Variants in SELENOW observed in about 807,000 individuals in gnomAD.
SELENOW encodes selenoprotein W.
In SELENOW, 20 loss-of-function variants were observed where a neutral mutation model predicts 16.6. The observed-to-expected ratio is 1.21, with a 90% CI of 0.85 to 1.76. SELENOW has a LOEUF of 1.76. Ranked by LOEUF, SELENOW falls within the 40% of genes most tolerant of loss-of-function variation. The probability of loss-of-function intolerance (pLI) is 0.00; values close to 1 mark genes in which losing one functional copy is unlikely to be tolerated. For synonymous variants in SELENOW, 44 were observed against 46.2 expected (o/e 0.95, Z 0.19); for missense variants, 124 against 111.0 (o/e 1.12, Z -0.53).
rs147112044 is a variant in SELENOW, at chr19:47,780,856, G to A, written c.55-8G>A. ...GACCCCTGCTGTGACCTCTCACCGC[G>A]TTTTCAGTATCTTCAGCTCAAGAAG... On this transcript the variant is annotated splice_region_variant and splice_polypyrimidine_tract_variant and intron_variant, in intron 2 of 5. Coordinates refer to ENST00000601048, the MANE Select transcript of SELENOW (RefSeq NM_003009.4). 9.8e-4 allele frequency: 1,578 copies of A among 1,612,658 alleles called. 23 individuals are homozygous for A. In the African/African-American group the frequency reaches 0.017, roughly 18 times the overall value.
At chr19:47,783,159 C>G (rs1027883875) in intron 5 of SELENOW, 2 of 151,978 alleles carry the variant, frequency 1.3e-5, no homozygotes, top group Non-Finnish European at 2.9e-5. Flanking sequence ...GTGTCTCAGC[C>G]TCGTGAGTAG....
Position 47,781,337 on chromosome 19 carries a change from GGCCGCCATCAAA to G in SELENOW, c.238_249del (p.Ile80_Ala83del). 1.2e-6 allele frequency: 2 copies of G among 1,611,430 alleles called. No individual in the cohort carries two copies. The highest frequency in any genetic ancestry group is 1.7e-6 in the Non-Finnish European group (2 of 1,178,744). On this transcript the variant is annotated inframe_deletion, in exon 5 of 6. Coordinates refer to ENST00000601048, the MANE Select transcript of SELENOW (RefSeq NM_003009.4). Reference sequence around the variant, plus strand: ...CAGAAAGCAAGTTTCTGAAGTTGGTGGCCGCCATCAAAGCCGCCTTGGCTCAGGGCTAATGCG... The same window carrying G: ...CAGAAAGCAAGTTTCTGAAGTTGGTGGCCGCCTTGGCTCAGGGCTAATGCG...
chr19:47,783,145 T>G (rs540503233), intron 5 of SELENOW: 1 of 152,162 alleles, frequency 6.6e-6, no homozygotes, highest in Admixed American at 6.5e-5. Flanking sequence ...TTCAAGGGAT[T>G]CTTGTGTCTC....
At chr19:47,783,900 T>C (rs547418393) in intron 5 of SELENOW, 17 of 152,106 alleles carry the variant, frequency 1.1e-4, no homozygotes, top group African/African-American at 3.9e-4. Context: ...AGGCTTTGAA[T>C]TCTTTTTTTT....
intron 1 of SELENOW, chr19:47,779,026 TC>T: frequency 1.8e-6 from 1 of 558,122 alleles, no homozygotes; most frequent in East Asian, 3.2e-5. Flanking sequence ...ACGCTGGGCA[TC>T]TCGGGTTATA....
In SELENOW at chr19:47,778,712, G is replaced by A. The variant is rs1168147756; in HGVS notation, c.-74G>A. On this transcript the variant is annotated 5_prime_UTR_variant, in exon 1 of 6. Coordinates refer to ENST00000601048, the MANE Select transcript of SELENOW (RefSeq NM_003009.4). ...CGCAGGTTCCCGCCGCACTCGCGCA[G>A]ACCTAGCGCGTCCAGGTGGGAGGTT... The A allele has an allele frequency of 2.0e-6, 3 of 1,529,326 alleles. No homozygotes were observed. In the South Asian group the frequency reaches 3.6e-5, roughly 18 times the overall value. The allele number at this position is 1,529,326 out of a possible 1,614,324, so 94.7% of individuals were successfully genotyped here.
chr19:47,781,211 TTTGGGGCTAGCATGGGG>T, intron 4 of SELENOW, 29 bp downstream of exon 4: 2 of 1,611,006 alleles, frequency 1.2e-6, no homozygotes, highest in Non-Finnish European at 1.7e-6. Context: ...CCTGCCTGGT[TTTGGGGCTAGCATGGGG>T]TTGGGGCTGA....
chr19:47,780,435 CT>C, intron 1 of SELENOW: 4 of 520,510 alleles, frequency 7.7e-6, no homozygotes, highest in Admixed American at 3.2e-5. Context: ...CCTCTCTCCC[CT>C]TTTTCCCCTC....
chr19:47,782,925 TTCTGAG>T (rs1967492557), intron 5 of SELENOW: 1 of 152,268 alleles, frequency 6.6e-6, no homozygotes, highest in Admixed American at 6.5e-5. Context: ...TTCCAGCACC[TTCTGAG>T]TCTGATTTTC....
At chr19:47,782,407 G>T (rs1218547676) in intron 5 of SELENOW, 1 of 152,088 alleles carries the variant, frequency 6.6e-6, no homozygotes, top group Non-Finnish European at 1.5e-5. Flanking sequence ...TACACCACCA[G>T]CTCCCAACAC....
rs779360778 is a variant in SELENOW, at chr19:47,781,118, G to T, written c.119G>T (p.Gly40Val). Residue 40 changes from glycine (G) to valine (V), a missense_variant, in exon 4 of 6, where the codon GGA becomes GTA. Coordinates refer to ENST00000601048, the MANE Select transcript of SELENOW (RefSeq NM_003009.4). ...FPGRLDICGE[G>V]TPQATGFFEV... ...ACCCCCTTTCCTCAGTGCGGCGAGG[G>T]AACTCCCCAGGCCACCGGGTTCTTT... 6.2e-7 allele frequency: 1 copy of T among 1,613,702 alleles called. No homozygotes were observed. The highest frequency in any genetic ancestry group is 8.5e-7 in the Non-Finnish European group (1 of 1,179,730).
intron 2 of SELENOW, 34 bp from the exon 3 acceptor site, chr19:47,780,830 T>C: frequency 6.2e-7 from 1 of 1,609,698 alleles, no homozygotes; most frequent in Non-Finnish European, 8.5e-7. Context: ...CTGACTGGTA[T>C]GACCCCTGCT....
At chr19:47,783,672 C>G (rs1408256893) in intron 5 of SELENOW, 1 of 152,180 alleles carries the variant, frequency 6.6e-6, no homozygotes, top group East Asian at 1.9e-4. Flanking sequence ...TCCTAAAATT[C>G]TTTACCAGAG....
At position 47,781,326 on chromosome 19, in the gene SELENOW, C is replaced by G; in HGVS notation, c.220C>G (p.Leu74Val). The change falls in exon 5 of 6, where the codon CTG (leucine) becomes GTG (valine). Residue 74 changes from leucine (L) to valine (V), a missense_variant. By Grantham distance (32) the Leu-to-Val change is conservative (BLOSUM62 1). Transcript: ENST00000601048. ...CTACGTGGACACAGAAAGCAAGTTT[C>G]TGAAGTTGGTGGCCGCCATCAAAGC... ...DGYVDTESKF[L>V]KLVAAIKAAL... 1.2e-6 allele frequency: 2 copies of G among 1,613,048 alleles called. No individual in the cohort carries two copies. Among genetic ancestry groups the G allele is most frequent in the African/African-American group, 1.3e-5 (1 of 75,032 alleles).
chr19:47,780,389 C>T, intron 1 of SELENOW: 1 of 429,888 alleles, frequency 2.3e-6, no homozygotes, highest in Non-Finnish European at 4.4e-6. Context: ...TGGTTTTCCC[C>T]CGTCCCCGTC....
rs1033078207 is a variant in SELENOW at position 47,781,341 on chromosome 19, G to A, written c.235G>A (p.Ala79Thr). 6.2e-6 allele frequency: 10 copies of A among 1,608,518 alleles called. No individual in the cohort carries two copies. Among genetic ancestry groups the A allele is most frequent in the Admixed American group, 1.7e-5 (1 of 58,520 alleles). Reference sequence around the variant, plus strand: ...AAGCAAGTTTCTGAAGTTGGTGGCCGCCATCAAAGCCGCCTTGGCTCAGGG... The same window carrying A: ...AAGCAAGTTTCTGAAGTTGGTGGCCACCATCAAAGCCGCCTTGGCTCAGGG... ...TESKFLKLVA[A>T]IKAALAQG Residue 79 changes from alanine to threonine, a missense_variant, in exon 5 of 6, where the codon GCC (alanine) becomes ACC (threonine). Physicochemically the swap from Ala to Thr is moderately conservative, Grantham distance 58. Coordinates refer to ENST00000601048, the MANE Select transcript of SELENOW (RefSeq NM_003009.4).
At position 47,781,181 on chromosome 19, in the gene SELENOW, A is replaced by C. The variant is rs1568608066; in HGVS notation, c.182A>C (p.Lys61Thr). The C allele has an allele frequency of 2.5e-6, 4 of 1,613,640 alleles. No individual in the cohort carries two copies. Among genetic ancestry groups the C allele is most frequent in the Non-Finnish European group, 3.4e-6 (4 of 1,179,696 alleles). ...GCCGGGAAGTTGATTCACTCTAAGA[A>C]GGTATGTCTGTCTGTCCGTCCTGCC... The part of the protein sequence containing the change: ...MVAGKLIHSK[K>T]KGDGYVDTES... Residue 61 changes from lysine to threonine, a missense_variant and splice_region_variant, in exon 4 of 6, where the codon AAG (lysine) becomes ACG (threonine). Lys to Thr is a moderately conservative substitution (Grantham distance 78). Transcript: ENST00000601048.
In SELENOW at chr19:47,781,338, G is replaced by A; in HGVS notation, c.232G>A (p.Ala78Thr). 3 of 1,611,012 alleles carry A rather than the reference G, an allele frequency of 1.9e-6. No homozygotes were observed. Among genetic ancestry groups the A allele is most frequent in the Non-Finnish European group, 2.5e-6 (3 of 1,178,562 alleles). Residue 78 changes from alanine (A) to threonine (T), a missense_variant, in exon 5 of 6, where the codon GCC becomes ACC. Ala to Thr is a moderately conservative substitution (Grantham distance 58, BLOSUM62 0). Coordinates refer to ENST00000601048, the MANE Select transcript of SELENOW (RefSeq NM_003009.4). The stretch of plus-strand genomic sequence containing the variant: ...AGAAAGCAAGTTTCTGAAGTTGGTG[G>A]CCGCCATCAAAGCCGCCTTGGCTCA... ...DTESKFLKLV[A>T]AIKAALAQG is the part of the protein sequence containing the mutation.
intron 3 of SELENOW, 52 bp downstream of exon 3, chr19:47,780,969 G>C (rs781418683): frequency 4.4e-6 from 7 of 1,598,702 alleles, no homozygotes; most frequent in Non-Finnish European, 6.0e-6. Context: ...GTGTCGGTCC[G>C]TTAGGCCTGG....
Sources: gnomAD v4.1 joint callset for allele counts on GRCh38, gnomAD v4.1.1 for gene constraint, MANE v1.5 for transcripts, NCBI Gene and HGNC (gene_info 2026-07-23, HGNC 2026-07-21) for gene names.